MACROD2: variants seen among roughly 807,000 people sequenced by gnomAD.
MACROD2 encodes the protein ADP-ribose glycohydrolase MACROD2.
MACROD2 carries 36 observed loss-of-function variants against 70.4 expected under a neutral mutation model. The observed-to-expected ratio is 0.51, with a 90% confidence interval of 0.39 to 0.68. The LOEUF is 0.68. Ranked by LOEUF, MACROD2 falls within the 30% of genes least tolerant of loss-of-function variation. MACROD2 has a pLI of 0.00. For missense variants in MACROD2, 496 were observed against 538.4 expected, an observed-to-expected ratio of 0.92 and a Z score of 0.78; for synonymous variants, 172 against 178.8, an observed-to-expected ratio of 0.96 and a Z score of 0.30.
At chr20:14,209,367 C>G (rs1369732667) in intron 3 of MACROD2, among the ~76,000 whole-genome samples, 1 of 152,080 alleles carries the variant, frequency 6.6e-6, no homozygotes, top group African/African-American at 2.4e-5. Context: ...AGGCCTCTAT[C>G]TCTTCCCTCT....
intron 5 of MACROD2, among the ~76,000 whole-genome samples, chr20:14,776,648 A>G (rs1025972466): frequency 3.3e-5 from 5 of 152,052 alleles, no homozygotes; most frequent in Admixed American, 2.0e-4. Context: ...GCTTTTTCCA[A>G]GATCTTTTTG....
chr20:14,424,430 GCTT>G (rs1444753720), intron 3 of MACROD2, among the ~76,000 whole-genome samples: 2 of 152,212 alleles, frequency 1.3e-5, no homozygotes, highest in Non-Finnish European at 2.9e-5. Context: ...CTGATAATTT[GCTT>G]CTTCTTTCTC....
chr20:15,494,679 G>A (rs1288491473), intron 7 of MACROD2, among the ~76,000 whole-genome samples: 1 of 151,912 alleles, frequency 6.6e-6, no homozygotes, highest in African/African-American at 2.4e-5. Flanking sequence ...CATTGACTCA[G>A]GACAAGGCAG....
At position 13,995,982 on chromosome 20, in the gene MACROD2, C is replaced by T. The variant is rs1297482437; in HGVS notation, c.46+173C>T. Among the ~76,000 whole-genome samples, 1 of 152,148 alleles carries T rather than the reference C, an allele frequency of 6.6e-6. No individual in the cohort carries two copies. ...ACACACGCGCACACTCGCGCGCACT[C>T]CGGCGTGCACGCGCCGCCCCTGGGC... On this transcript the variant is annotated intron_variant, in intron 1 of 17. Coordinates refer to ENST00000684519, the MANE Select transcript of MACROD2 (RefSeq NM_001351661.2). The surrounding 1 kb of genome is among the most constrained non-coding windows in gnomAD (Gnocchi z 4.3).
intron 5 of MACROD2, among the ~76,000 whole-genome samples, chr20:15,149,257 A>AT: frequency 6.6e-6 from 1 of 152,198 alleles, no homozygotes; most frequent in South Asian, 2.1e-4. Flanking sequence ...ATAGATTTCC[A>AT]CGATGCAAAG....
chr20:15,307,586 C>T (rs2146140015), intron 6 of MACROD2, among the ~76,000 whole-genome samples: 1 of 152,184 alleles, frequency 6.6e-6, no homozygotes, highest in South Asian at 2.1e-4. Context: ...ACATAATGCC[C>T]TTTACCCCTA....
chr20:14,877,821 G>A (rs1489082936), intron 5 of MACROD2, among the ~76,000 whole-genome samples: 1 of 152,060 alleles, frequency 6.6e-6, no homozygotes, highest in Non-Finnish European at 1.5e-5. Context: ...CTGGAATAAA[G>A]CCCATTTGAT....
chr20:15,195,039 A>G (rs2076596301), intron 5 of MACROD2, among the ~76,000 whole-genome samples: 1 of 152,196 alleles, frequency 6.6e-6, no homozygotes, highest in African/African-American at 2.4e-5. Flanking sequence ...ATATGCAGAA[A>G]ATTTAAAGTG....
intron 8 of MACROD2, among the ~76,000 whole-genome samples, chr20:15,674,074 A>G (rs546748389): frequency 6.6e-6 from 1 of 152,058 alleles, no homozygotes; most frequent in Admixed American, 6.6e-5. Context: ...TATAGATCTG[A>G]TTTAGTAGGA....
chr20:15,225,597 AT>A (rs947841820), intron 5 of MACROD2, among the ~76,000 whole-genome samples: 11 of 152,148 alleles, frequency 7.2e-5, no homozygotes, highest in East Asian at 3.9e-4. Context: ...CGGTAGAGGA[AT>A]TTTTTTTAAC....
rs139807072 is a variant in MACROD2 at position 15,393,313 on chromosome 20, T to C, written c.541-38092T>C. 6.0e-3 allele frequency among the ~76,000 whole-genome samples: 915 copies of C among 152,312 alleles called. 4 individuals carry two copies. Among genetic ancestry groups the C allele is most frequent in the South Asian group, 0.047 (228 of 4,828 alleles). ...ACAGATGGGGACAAAGAGTAAACTC[T>C]ACATCTCTAAAATCTAACTCAACAT... On this transcript the variant is annotated intron_variant, in intron 6 of 17. Transcript: ENST00000684519.
intron 4 of MACROD2, among the ~76,000 whole-genome samples, chr20:14,528,214 A>AT (rs2085256922): frequency 6.7e-6 from 1 of 148,588 alleles, no homozygotes; most frequent in African/African-American, 2.5e-5. Flanking sequence ...GGTTCAAGTG[A>AT]TTCTCCTGCC....
rs528885013 is a variant in MACROD2 at position 14,229,397 on chromosome 20, A to G, written c.271+143669A>G. 5.9e-5 allele frequency among the ~76,000 whole-genome samples: 9 copies of G among 152,376 alleles called. No individual in the cohort carries two copies. The East Asian group carries it at 1.5e-3, about 26-fold the overall frequency. On this transcript the variant is annotated intron_variant, in intron 3 of 17. Coordinates refer to ENST00000684519, the MANE Select transcript of MACROD2 (RefSeq NM_001351661.2). ...CCAACAATAAGAAAACAACTCAAGT[A>G]AAAAGTAAGGGAAAGATTTGAACAG...
At chr20:14,433,464 CAA>C (rs1339163243) in intron 3 of MACROD2, among the ~76,000 whole-genome samples, 1 of 151,996 alleles carries the variant, frequency 6.6e-6, no homozygotes, top group Non-Finnish European at 1.5e-5. Context: ...ATTTCTAAAA[CAA>C]AGTGGACAAA....
At chr20:15,103,188 T>C (rs1361366298) in intron 5 of MACROD2, among the ~76,000 whole-genome samples, 2 of 152,052 alleles carry the variant, frequency 1.3e-5, no homozygotes, top group East Asian at 3.9e-4. Flanking sequence ...TAGCAAGAAG[T>C]CTAGAGGCTT....
At chr20:16,002,592 G>A (rs1286353207) in intron 15 of MACROD2, among the ~76,000 whole-genome samples, 1 of 152,084 alleles carries the variant, frequency 6.6e-6, no homozygotes, top group East Asian at 1.9e-4. Context: ...GAGGAAGGAG[G>A]CGATGAAACA....
At chr20:15,011,896 G>T (rs4140562) in intron 5 of MACROD2, among the ~76,000 whole-genome samples, 24,285 of 152,102 alleles carry the variant, frequency 0.16, 2,545 homozygotes, top group East Asian at 0.29. Flanking sequence ...TGCATTGAGC[G>T]CCGTGTGCTC....
chr20:14,062,181 G>T (rs749289920), intron 2 of MACROD2, among the ~76,000 whole-genome samples: 3 of 152,098 alleles, frequency 2.0e-5, no homozygotes, highest in Non-Finnish European at 4.4e-5. Flanking sequence ...GATTGACTTT[G>T]AAAGTGTCCT....
In MACROD2 at chr20:14,235,934, T is replaced by C. The variant is rs184662858; in HGVS notation, c.271+150206T>C. On this transcript the variant is annotated intron_variant, in intron 3 of 17. Transcript: ENST00000684519. ...AAAAACATACTTAATAGTATTACTG[T>C]TTTTTTAATTATAACTGACATACTG... 5.9e-5 allele frequency among the ~76,000 whole-genome samples: 9 copies of C among 152,240 alleles called. No individual in the cohort carries two copies. In the East Asian group the frequency reaches 1.7e-3, roughly 29 times the overall value.
Sources: allele counts gnomAD v4.1 joint callset (sites outside exome capture counted in the v4.1 genomes callset), GRCh38; gene constraint gnomAD v4.1.1; non-coding constraint Gnocchi (gnomAD v3.1); transcripts MANE v1.5; gene names NCBI Gene and HGNC (gene_info 2026-07-23, HGNC 2026-07-21).